Variants in PTPRT observed in about 807,000 individuals in gnomAD.
PTPRT encodes the protein receptor-type tyrosine-protein phosphatase T.
PTPRT carries 56 observed loss-of-function variants against 176.8 expected under a neutral mutation model. The ratio of observed to expected loss-of-function variants is 0.32; its 90% CI spans 0.26 to 0.40. The LOEUF (loss-of-function observed/expected upper bound fraction) is 0.40, where lower values mean the gene tolerates loss of function less well. PTPRT is among the 10% of genes least tolerant of loss of function. PTPRT has a pLI of 1.00. For synonymous variants in PTPRT, 783 were observed against 739.0 expected, an observed-to-expected ratio of 1.06 and a Z score of -0.96; for missense variants, 1,540 against 1,908.2, an observed-to-expected ratio of 0.81 and a Z score of 3.60.
chr20:42,286,490 G>A, intron 12 of PTPRT, among the ~76,000 whole-genome samples: 1 of 151,868 alleles, frequency 6.6e-6, no homozygotes, highest in East Asian at 1.9e-4. Flanking sequence ...GGAAAGGACA[G>A]TGTCTTCAAT....
the PTPRT span, chr20:42,064,041 A>T: frequency 6.6e-6 from 1 of 150,900 alleles, no homozygotes; most frequent in Admixed American, 6.6e-5. Context: ...TTTTGCTTTG[A>T]TCAGGGGATA....
intron 7 of PTPRT, among the ~76,000 whole-genome samples, chr20:42,583,258 C>T (rs569562012): frequency 3.3e-5 from 5 of 152,232 alleles, no homozygotes; most frequent in South Asian, 2.1e-4. Flanking sequence ...AAAAATCAAA[C>T]GCATACTTGG....
At chr20:42,683,017 T>C (rs1000027838) in intron 6 of PTPRT, among the ~76,000 whole-genome samples, 4 of 152,286 alleles carry the variant, frequency 2.6e-5, no homozygotes, top group Admixed American at 2.0e-4. Context: ...AAGTGAGCCT[T>C]GATATGATTA....
At chr20:42,090,982 G>A (rs549259009) in intron 27 of PTPRT, among the ~76,000 whole-genome samples, 9 of 152,340 alleles carry the variant, frequency 5.9e-5, no homozygotes, top group East Asian at 5.8e-4. Flanking sequence ...GTCTGAGGGT[G>A]AAAGGTGATA....
chr20:43,027,963 C>T (rs1259866293), intron 1 of PTPRT, among the ~76,000 whole-genome samples: 1 of 152,126 alleles, frequency 6.6e-6, no homozygotes, highest in Admixed American at 6.5e-5. Flanking sequence ...CAGCACTGCC[C>T]GTCACCCTAA....
intron 16 of PTPRT, among the ~76,000 whole-genome samples, chr20:42,169,809 G>T (rs1990002039): frequency 7.2e-6 from 1 of 138,632 alleles, no homozygotes; most frequent in Non-Finnish European, 1.5e-5. Context: ...AGTATTGACT[G>T]TTGACCCAAG....
intron 7 of PTPRT, among the ~76,000 whole-genome samples, chr20:42,623,700 C>T (rs874923): frequency 0.21 from 31,921 of 151,828 alleles, 4,589 homozygotes; most frequent in African/African-American, 0.41. Flanking sequence ...ACTTCATCCA[C>T]GTGCTTCTTC....
At chr20:42,238,043 T>C (rs2056279662) in intron 14 of PTPRT, among the ~76,000 whole-genome samples, 1 of 152,218 alleles carries the variant, frequency 6.6e-6, no homozygotes, top group Non-Finnish European at 1.5e-5. Flanking sequence ...GGGCTATCTC[T>C]AGTCTTTCTT....
intron 2 of PTPRT, among the ~76,000 whole-genome samples, chr20:42,796,918 T>C (rs919359598): frequency 6.6e-6 from 1 of 152,218 alleles, no homozygotes; most frequent in Non-Finnish European, 1.5e-5. Context: ...CCATCTTCTA[T>C]AAAATGGTTA....
intron 5 of PTPRT, among the ~76,000 whole-genome samples, chr20:42,763,906 T>A (rs115194683): frequency 0.033 from 5,007 of 152,166 alleles, 259 homozygotes; most frequent in African/African-American, 0.12. Flanking sequence ...CTGGCATAAG[T>A]CCCACAGGGC....
intron 7 of PTPRT, among the ~76,000 whole-genome samples, chr20:42,583,469 G>T (rs1038443869): frequency 6.6e-6 from 1 of 152,122 alleles, no homozygotes; most frequent in African/African-American, 2.4e-5. Context: ...GATGACAGAG[G>T]GCCCATGACA....
intron 2 of PTPRT, among the ~76,000 whole-genome samples, chr20:42,851,973 G>A (rs894338885): frequency 2.0e-5 from 3 of 152,112 alleles, no homozygotes; most frequent in Non-Finnish European, 2.9e-5. Context: ...CACATAGTAA[G>A]TATTTACATA....
chr20:42,375,758 G>A (rs1264015716), intron 9 of PTPRT, among the ~76,000 whole-genome samples: 1 of 152,182 alleles, frequency 6.6e-6, no homozygotes, highest in African/African-American at 2.4e-5. Context: ...AAACATAAAA[G>A]GAAGTGAATG....
intron 6 of PTPRT, among the ~76,000 whole-genome samples, chr20:42,739,361 G>C (rs1259492255): frequency 6.6e-6 from 1 of 152,178 alleles, no homozygotes; most frequent in Admixed American, 6.5e-5. Flanking sequence ...GATGTGGTAG[G>C]GGGAAGAGAG....
chr20:42,937,045 C>T (rs930956990), intron 1 of PTPRT, among the ~76,000 whole-genome samples: 1 of 152,148 alleles, frequency 6.6e-6, no homozygotes, highest in African/African-American at 2.4e-5. Flanking sequence ...CTCCTAAGTC[C>T]CACATTTAGC....
intron 1 of PTPRT, among the ~76,000 whole-genome samples, chr20:43,122,139 T>C (rs2013283965): frequency 6.6e-6 from 1 of 152,194 alleles, no homozygotes; most frequent in South Asian, 2.1e-4. Context: ...CCTGGGAATT[T>C]GCATTTCTAA....
intron 1 of PTPRT, among the ~76,000 whole-genome samples, chr20:42,941,088 A>AT (rs1555807281): frequency 5.3e-5 from 8 of 150,400 alleles, no homozygotes; most frequent in Non-Finnish European, 8.9e-5. Flanking sequence ...TCTCAAAAAA[A>AT]AATAATAATA....
intron 15 of PTPRT, among the ~76,000 whole-genome samples, chr20:42,218,038 G>A (rs2055812958): frequency 6.6e-6 from 1 of 152,248 alleles, no homozygotes; most frequent in African/African-American, 2.4e-5. Flanking sequence ...TCAGCCTGCT[G>A]AGAGCATGCT....
At chr20:43,076,832 C>G (rs1454232342) in intron 1 of PTPRT, among the ~76,000 whole-genome samples, 2 of 152,148 alleles carry the variant, frequency 1.3e-5, no homozygotes, top group South Asian at 4.2e-4. Flanking sequence ...TTCTAAACAC[C>G]ATTCTTTCCT....
Sources: gnomAD v4.1 joint callset for allele counts (sites outside exome capture counted in the v4.1 genomes callset) on GRCh38, gnomAD v4.1.1 for gene constraint, MANE v1.5 for transcripts, NCBI Gene and HGNC (gene_info 2026-07-23, HGNC 2026-07-21) for gene names.